ZNF644: variants seen among roughly 807,000 people sequenced by gnomAD.
ZNF644 encodes the protein zinc finger protein 644.
A neutral mutation model predicts 108.0 loss-of-function variants in ZNF644; 20 were observed. The observed-to-expected ratio is 0.19, with a 90% CI of 0.13 to 0.27. The LOEUF is 0.27. Among genes scored for constraint, ZNF644 ranks in the 10% least tolerant of loss-of-function variants. ZNF644 has a pLI of 1.00. For missense variants in ZNF644, 1,338 were observed against 1,548.9 expected, an observed-to-expected ratio of 0.86 and a Z score of 2.29; for synonymous variants, 542 against 539.1, an observed-to-expected ratio of 1.01 and a Z score of -0.08.
chr1:90,959,943 G>A lies in ZNF644; in HGVS notation c.45-18634C>T, dbSNP rs897311474. ...ACAGGTTTTAAATTGCTATTCTACGGAGCTTGATGACATCTTGCACCATCC... is the reference window on the plus strand; with the variant it reads ...ACAGGTTTTAAATTGCTATTCTACGAAGCTTGATGACATCTTGCACCATCC... On this transcript the variant is annotated intron_variant, in intron 2 of 5. Transcript: ENST00000337393. 1.3e-5 allele frequency among the ~76,000 whole-genome samples: 2 copies of A among 152,174 alleles called. 1 individual carries two copies. The highest frequency in any genetic ancestry group is 6.8e-3 in the Middle Eastern group (2 of 294).
chr1:90,983,396 G>A (rs974301002), intron 1 of ZNF644, among the ~76,000 whole-genome samples: 15 of 148,392 alleles, frequency 1.0e-4, no homozygotes, highest in Admixed American at 2.1e-4. Context: ...TATTATAAAC[G>A]ACTGAGTGGG....
chr1:90,959,335 G>C (rs530759725), intron 2 of ZNF644, among the ~76,000 whole-genome samples: 2 of 152,184 alleles, frequency 1.3e-5, no homozygotes, highest in Non-Finnish European at 2.9e-5. Flanking sequence ...TGGATAATAA[G>C]TTTGGCAGTT....
chr1:90,930,057 C>T (rs941632919), intron 4 of ZNF644, among the ~76,000 whole-genome samples: 17 of 152,282 alleles, frequency 1.1e-4, no homozygotes, highest in East Asian at 1.9e-4. Context: ...GAAGCCCAGG[C>T]GGGTGGATCA....
intron 1 of ZNF644, among the ~76,000 whole-genome samples, chr1:91,002,117 A>G (rs1021476029): frequency 1.6e-4 from 24 of 152,350 alleles, no homozygotes; most frequent in African/African-American, 5.8e-4. Context: ...GGTAATTTAT[A>G]GATTCAATGC....
intron 1 of ZNF644, among the ~76,000 whole-genome samples, chr1:91,013,235 A>G (rs55783701): frequency 0.013 from 1,924 of 151,902 alleles, 39 homozygotes; most frequent in African/African-American, 0.044. Context: ...CACCATGCCC[A>G]GCTAATTTTT....
intron 4 of ZNF644, among the ~76,000 whole-genome samples, chr1:90,920,127 T>C (rs1367855982): frequency 6.6e-6 from 1 of 152,034 alleles, no homozygotes; most frequent in Admixed American, 6.6e-5. Context: ...AAAGAGTAAG[T>C]GCTACTAGAT....
intron 4 of ZNF644, among the ~76,000 whole-genome samples, chr1:90,918,986 A>G (rs1264095799): frequency 6.6e-6 from 1 of 152,140 alleles, no homozygotes; most frequent in Admixed American, 6.5e-5. Context: ...AAGGTAAAAA[A>G]AAAAATTAAA....
At chr1:90,937,382 C>A in intron 4 of ZNF644, 103 bp downstream of exon 4, 5 of 1,499,140 alleles carry the variant, frequency 3.3e-6, no homozygotes, top group African/African-American at 1.4e-5. Context: ...GCAGCTTAAA[C>A]AGGAAGATTG....
Position 90,940,944 on chromosome 1 carries a change from G to A in ZNF644, c.410C>T (p.Ser137Leu). Residue 137 changes from serine (S) to leucine (L), a missense_variant, in exon 3 of 6, where the codon TCA (serine) becomes TTA (leucine). By Grantham distance (145) the Ser-to-Leu change is moderately radical (BLOSUM62 -2). Coordinates refer to ENST00000337393, the MANE Select transcript of ZNF644 (RefSeq NM_201269.3). The part of the protein sequence containing the change: ...KTSNMNKGSV[S>L]LTTGQPVDQP... ...ATCCACAGGCTGTCCAGTGGTTAAT[G>A]AAACACTGCCTTTATTCATATTGGA... 1 of 1,614,062 alleles carries A rather than the reference G, an allele frequency of 6.2e-7. No individual in the cohort carries two copies. Among genetic ancestry groups the A allele is most frequent in the Non-Finnish European group, 8.5e-7 (1 of 1,179,986 alleles).
At chr1:91,020,917 G>C (rs1660850052) in intron 1 of ZNF644, 1 of 152,206 alleles carries the variant, frequency 6.6e-6, no homozygotes, top group Non-Finnish European at 1.5e-5. Flanking sequence ...CCCTCGTTGA[G>C]TTTGATGATC....
intron 1 of ZNF644, among the ~76,000 whole-genome samples, chr1:90,991,638 G>A (rs962230164): frequency 2.0e-5 from 3 of 152,134 alleles, no homozygotes; most frequent in Non-Finnish European, 2.9e-5. Context: ...GGAAGCAAGC[G>A]CATCTTACCA....
At position 90,999,378 on chromosome 1, in the gene ZNF644, G is replaced by A. The variant is rs533469742; in HGVS notation, c.-17-17008C>T. On this transcript the variant is annotated intron_variant, in intron 1 of 5. Transcript: ENST00000337393. ...ACTCTACAAGCCAGAAGAGAGTGGT[G>A]GCAAATATTCAACATTCTTAACAAA... Among the ~76,000 whole-genome samples the A allele has an allele frequency of 1.0e-3, 154 of 152,268 alleles. No homozygotes were observed. The South Asian group carries it at 0.018, about 17-fold the overall frequency.
intron 1 of ZNF644, among the ~76,000 whole-genome samples, chr1:91,007,317 C>T (rs1659553070): frequency 6.9e-6 from 1 of 145,470 alleles, no homozygotes; most frequent in African/African-American, 2.6e-5. Context: ...CTCACTGCAA[C>T]CTCCACCTCC....
At chr1:90,930,654 T>C (rs1650627384) in intron 4 of ZNF644, among the ~76,000 whole-genome samples, 1 of 152,142 alleles carries the variant, frequency 6.6e-6, no homozygotes, top group Non-Finnish European at 1.5e-5. Flanking sequence ...CAACAAAGAA[T>C]ATAATAAAAA....
chr1:90,947,522 C>T (rs1039814662), intron 2 of ZNF644, among the ~76,000 whole-genome samples: 1 of 152,064 alleles, frequency 6.6e-6, no homozygotes, highest in Non-Finnish European at 1.5e-5. Context: ...TCAACTTTGC[C>T]CTCCACAGAA....
intron 2 of ZNF644, among the ~76,000 whole-genome samples, chr1:90,974,606 A>T (rs941588486): frequency 6.6e-5 from 10 of 152,270 alleles, no homozygotes; most frequent in Admixed American, 5.2e-4. Context: ...CATTACAATT[A>T]ACCACCAAAG....
intron 2 of ZNF644, 134 bp from the exon 3 acceptor site, chr1:90,941,443 A>G (rs922922715): frequency 4.9e-5 from 40 of 823,264 alleles, no homozygotes; most frequent in Non-Finnish European, 7.3e-5. Flanking sequence ...TAATTTTCCA[A>G]GAATGAAAGA....
At chr1:91,005,142 AG>A (rs1428865250) in intron 1 of ZNF644, among the ~76,000 whole-genome samples, 1 of 152,120 alleles carries the variant, frequency 6.6e-6, no homozygotes, top group Non-Finnish European at 1.5e-5. Context: ...AGATAAAAAA[AG>A]TTATACCATG....
At chr1:90,943,751 T>A (rs1225777101) in intron 2 of ZNF644, among the ~76,000 whole-genome samples, 1 of 152,080 alleles carries the variant, frequency 6.6e-6, no homozygotes, top group Non-Finnish European at 1.5e-5. Flanking sequence ...AGTCTCTACA[T>A]CACATACACA....
Sources: gnomAD v4.1 joint callset for allele counts (sites outside exome capture counted in the v4.1 genomes callset) on GRCh38, gnomAD v4.1.1 for gene constraint, MANE v1.5 for transcripts, NCBI Gene and HGNC (gene_info 2026-07-23, HGNC 2026-07-21) for gene names.